PLEKHB2: variants seen among roughly 807,000 people sequenced by gnomAD.
The protein encoded by PLEKHB2 is pleckstrin homology domain containing B2.
Under a neutral mutation model 36.5 loss-of-function variants are expected in PLEKHB2, and 31 were observed. The observed-to-expected ratio is 0.85, with a 90% CI of 0.64 to 1.15. The LOEUF (loss-of-function observed/expected upper bound fraction) is 1.15, where lower values mean the gene tolerates loss of function less well. Among genes scored for constraint, PLEKHB2 ranks in the 50% most tolerant of loss-of-function variants. The pLI, the probability that PLEKHB2 is intolerant of heterozygous loss-of-function variation, is 0.00. For synonymous variants in PLEKHB2, 119 were observed against 112.0 expected, an observed-to-expected ratio of 1.06 and a Z score of -0.39; for missense variants, 262 against 295.3, an observed-to-expected ratio of 0.89 and a Z score of 0.83.
chr2:131,109,439 C>G (rs898678187), intron 1 of PLEKHB2, among the ~76,000 whole-genome samples: 2 of 152,036 alleles, frequency 1.3e-5, no homozygotes, highest in Non-Finnish European at 2.9e-5. Context: ...TTTTGGAGGC[C>G]AGCACTTTTG....
At chr2:131,126,964 C>G (rs1218582561) in intron 4 of PLEKHB2, 178 bp downstream of exon 4, 10 of 577,378 alleles carry the variant, frequency 1.7e-5, no homozygotes, top group Non-Finnish European at 2.8e-5. Context: ...CTGCCTCTCT[C>G]AGACTGCCTA....
intron 7 of PLEKHB2, among the ~76,000 whole-genome samples, chr2:131,145,633 C>G (rs970653411): frequency 6.6e-6 from 1 of 152,162 alleles, no homozygotes; most frequent in African/African-American, 2.4e-5. Flanking sequence ...TCAAGCCTGG[C>G]CAGCCAGCCT....
In PLEKHB2 at chr2:131,148,346, T is replaced by C. The variant is rs1573653255; in HGVS notation, c.*1573T>C. 1 of 152,340 alleles carries C rather than the reference T, an allele frequency of 6.6e-6. No homozygotes were observed. Among genetic ancestry groups the C allele is most frequent in the East Asian group, 1.9e-4 (1 of 5,186 alleles). The allele number at this position is 152,340 out of a possible 1,614,324, so 9.4% of individuals were successfully genotyped here. A position where few individuals can be genotyped will look rare whatever the true frequency, so the allele number is the denominator to read the frequency against. Reference sequence around the variant, plus strand: ...TCTTATTTTCAGTATATGAAGTGTGTATTTGAAATATTCATATTTCTGTTA... The same window carrying C: ...TCTTATTTTCAGTATATGAAGTGTGCATTTGAAATATTCATATTTCTGTTA... On this transcript the variant is annotated 3_prime_UTR_variant, in exon 8 of 8. Transcript: ENST00000693505.
Position 131,126,757 on chromosome 2 carries a change from T to C in PLEKHB2, c.264T>C (p.Ser88=). ...TTTGTCGAGATGGGAAAACAATTAG[T>C]CTTTGTGCAGAAAGCACAGATGATT... ...QIVCRDGKTI[S]LCAESTDDCL... Residue 88 remains serine, a synonymous_variant, in exon 4 of 8, where the codon AGT becomes AGC. Transcript: ENST00000693505. 6.2e-7 allele frequency: 1 copy of C among 1,606,988 alleles called. No homozygotes were observed. Among genetic ancestry groups the C allele is most frequent in the Non-Finnish European group, 8.5e-7 (1 of 1,173,508 alleles).
intron 6 of PLEKHB2, among the ~76,000 whole-genome samples, chr2:131,133,198 A>G (rs1258537476): frequency 6.6e-6 from 1 of 152,212 alleles, no homozygotes; most frequent in East Asian, 1.9e-4. Context: ...ATTAATGTGT[A>G]ACACGTTTTT....
chr2:131,127,622 A>T (rs1365298385), intron 4 of PLEKHB2, among the ~76,000 whole-genome samples: 1 of 152,220 alleles, frequency 6.6e-6, no homozygotes. Flanking sequence ...ATCTTCCCTG[A>T]GGGGAAAACA....
Position 131,125,826 on chromosome 2 carries a change from C to G in PLEKHB2, c.111C>G (p.Asp37Glu). ...WSDGHLIYYDDQTRQNIEDKV... is the reference protein window; with the variant it reads ...WSDGHLIYYDEQTRQNIEDKV... Reference sequence around the variant, plus strand: ...ATGGTCACCTGATCTATTATGATGACCAGACTCGGCAGAATATCGAGGATA... The same window carrying G: ...ATGGTCACCTGATCTATTATGATGAGCAGACTCGGCAGAATATCGAGGATA... Residue 37 changes from aspartate (D) to glutamate (E), a missense_variant, in exon 3 of 8, where the codon GAC becomes GAG. Physicochemically the swap from Asp to Glu is conservative, Grantham distance 45. Transcript: ENST00000693505. 1 of 1,613,352 alleles carries G rather than the reference C, an allele frequency of 6.2e-7. No homozygotes were observed. Among genetic ancestry groups the G allele is most frequent in the Non-Finnish European group, 8.5e-7 (1 of 1,179,558 alleles).
intron 6 of PLEKHB2, among the ~76,000 whole-genome samples, chr2:131,133,783 T>C (rs749460830): frequency 2.6e-5 from 4 of 152,206 alleles, no homozygotes; most frequent in Admixed American, 6.5e-5. Flanking sequence ...TTCAACAATG[T>C]CATATAAATG....
Position 131,146,950 on chromosome 2 carries a change from G to A in PLEKHB2, c.*177G>A. The stretch of plus-strand genomic sequence containing the variant: ...AGTACCACAGAGAAGGGTTTGAACT[G>A]TGCTATTTTGTTCAAATGTTGACTC... On this transcript the variant is annotated 3_prime_UTR_variant, in exon 8 of 8. Transcript: ENST00000693505. The A allele has an allele frequency of 2.0e-6, 1 of 501,236 alleles. No homozygotes were observed. Among genetic ancestry groups the A allele is most frequent in the Non-Finnish European group, 3.4e-6 (1 of 296,812 alleles). 31.0% of individuals were successfully genotyped at this position (501,236 alleles called of 1,614,324 possible).
In PLEKHB2 at chr2:131,140,242, G is replaced by A. The variant is rs1412105868; in HGVS notation, c.499G>A (p.Ala167Thr). Residue 167 changes from alanine (A) to threonine (T), a missense_variant, in exon 7 of 8, where the codon GCG becomes ACG. Coordinates refer to ENST00000693505, the MANE Select transcript of PLEKHB2 (RefSeq NM_001100623.2). ...AGTTGTCTACGCTGCGAATGGGCAG[G>A]CGTATGCCGTGCCCTACCAGTACCC... ...TQVVYAANGQ[A>T]YAVPYQYPYA... 4.3e-6 allele frequency: 7 copies of A among 1,612,068 alleles called. No individual in the cohort carries two copies. The East Asian group carries it at 1.3e-4, about 31-fold the overall frequency.
At chr2:131,124,909 C>T (rs553839322) in intron 2 of PLEKHB2, among the ~76,000 whole-genome samples, 86 of 152,144 alleles carry the variant, frequency 5.7e-4, no homozygotes, top group African/African-American at 2.0e-3. Flanking sequence ...CCTCAGCCTC[C>T]CTAGTAGCTG....
At chr2:131,146,153 G>A (rs1014729581) in intron 7 of PLEKHB2, among the ~76,000 whole-genome samples, 1 of 151,906 alleles carries the variant, frequency 6.6e-6, no homozygotes, top group East Asian at 1.9e-4. Flanking sequence ...CTGCACTCCA[G>A]CCTGGGGACA....
intron 5 of PLEKHB2, 58 bp downstream of exon 5, chr2:131,130,818 T>G: frequency 8.0e-7 from 1 of 1,255,198 alleles, no homozygotes; most frequent in Non-Finnish European, 1.2e-6. Flanking sequence ...GGTGTCACTC[T>G]CACTCAGGCT....
chr2:131,135,761 C>T (rs889606393), intron 6 of PLEKHB2, among the ~76,000 whole-genome samples: 7 of 151,954 alleles, frequency 4.6e-5, no homozygotes, highest in South Asian at 2.1e-4. Context: ...CCACCATGCC[C>T]GGCTAATTTT....
At chr2:131,121,006 CG>C in intron 2 of PLEKHB2, 28 bp downstream of exon 2, 1 of 1,608,824 alleles carries the variant, frequency 6.2e-7, no homozygotes, top group Non-Finnish European at 8.5e-7. Flanking sequence ...GGTCTGCGAT[CG>C]GCATTGCCGA....
intron 7 of PLEKHB2, among the ~76,000 whole-genome samples, chr2:131,141,639 C>CAAA (rs771541896): frequency 1.2e-4 from 7 of 57,106 alleles, no homozygotes; most frequent in African/African-American, 2.9e-4. Context: ...GACTCCGTCT[C>CAAA]AAAAAAAAAA....
chr2:131,140,466 T>C (rs565240741), intron 7 of PLEKHB2, among the ~76,000 whole-genome samples, 191 bp downstream of exon 7: 1 of 152,382 alleles, frequency 6.6e-6, no homozygotes, highest in Non-Finnish European at 1.5e-5. Flanking sequence ...AAAGCTACCG[T>C]AGGCTTGATT....
intron 5 of PLEKHB2, among the ~76,000 whole-genome samples, chr2:131,131,584 G>A (rs1697688836): frequency 6.6e-6 from 1 of 152,072 alleles, no homozygotes; most frequent in Non-Finnish European, 1.5e-5. Flanking sequence ...TTATTAATCT[G>A]TAAGAAAAGA....
chr2:131,146,904 A>G lies in PLEKHB2; in HGVS notation c.*131A>G. Reference sequence around the variant, plus strand: ...TCATTCCTTTGAAAGTAGTGATGTCATAATTGTACTAATCCACATAAGTAC... The same window carrying G: ...TCATTCCTTTGAAAGTAGTGATGTCGTAATTGTACTAATCCACATAAGTAC... On this transcript the variant is annotated 3_prime_UTR_variant, in exon 8 of 8. Transcript: ENST00000693505. 2 of 753,386 alleles carry G rather than the reference A, an allele frequency of 2.7e-6. No homozygotes were observed. The highest frequency in any genetic ancestry group is 4.2e-5 in the South Asian group (2 of 47,722). 46.7% of individuals were successfully genotyped at this position (753,386 alleles called of 1,614,324 possible). A position where few individuals can be genotyped will look rare whatever the true frequency, so the allele number is the denominator to read the frequency against.
Sources: gnomAD v4.1 joint callset for allele counts (sites outside exome capture counted in the v4.1 genomes callset) on GRCh38, gnomAD v4.1.1 for gene constraint, MANE v1.5 for transcripts, NCBI Gene and HGNC (gene_info 2026-07-23, HGNC 2026-07-21) for gene names.